Variants in DPP10 observed in about 807,000 individuals in gnomAD.
The protein encoded by DPP10 is inactive dipeptidyl peptidase 10.
Under a neutral mutation model 120.9 loss-of-function variants are expected in DPP10, and 33 were observed. That is an observed-to-expected ratio of 0.27 (90% confidence interval 0.21 to 0.37). The LOEUF is 0.37. Among genes scored for constraint, DPP10 ranks in the 10% least tolerant of loss-of-function variants. DPP10 has a pLI of 1.00. For synonymous variants in DPP10, 337 were observed against 326.1 expected, an observed-to-expected ratio of 1.03 and a Z score of -0.36; for missense variants, 816 against 942.8, an observed-to-expected ratio of 0.87 and a Z score of 1.76.
intron 5 of DPP10, among the ~76,000 whole-genome samples, chr2:115,663,546 C>T (rs2089187636): frequency 6.6e-6 from 1 of 152,144 alleles, no homozygotes; most frequent in African/African-American, 2.4e-5. Context: ...TTAGCAAAGG[C>T]TCAGTGGCTT....
intron 1 of DPP10, among the ~76,000 whole-genome samples, chr2:115,112,805 A>ATT (rs1412735594): frequency 3.9e-5 from 6 of 152,202 alleles, no homozygotes; most frequent in Non-Finnish European, 8.8e-5. Flanking sequence ...ATAGTTAATA[A>ATT]TTCTCTTTTA....
intron 1 of DPP10, among the ~76,000 whole-genome samples, chr2:114,721,266 C>T (rs1457738131): frequency 6.6e-6 from 1 of 152,178 alleles, no homozygotes; most frequent in South Asian, 2.1e-4. Flanking sequence ...TGAGAGGGTG[C>T]TTTGAAACAC....
At chr2:114,776,138 G>C (rs936226721) in intron 1 of DPP10, among the ~76,000 whole-genome samples, 2 of 152,152 alleles carry the variant, frequency 1.3e-5, no homozygotes, top group Non-Finnish European at 2.9e-5. Context: ...TAAAAATAAA[G>C]AGACAAAGTG....
At chr2:115,509,666 A>T (rs1463509999) in intron 4 of DPP10, among the ~76,000 whole-genome samples, 1 of 152,164 alleles carries the variant, frequency 6.6e-6, no homozygotes, top group Non-Finnish European at 1.5e-5. Flanking sequence ...ACTCTGTCTC[A>T]AAAACAAAAT....
In DPP10 at chr2:114,980,530, C is replaced by T. The variant is rs533360209; in HGVS notation, c.61-328709C>T. On this transcript the variant is annotated intron_variant, in intron 1 of 25. Transcript: ENST00000410059. ...TTTATAAACAAATTTAAAGGGCAAGCGATACATTAGGAAAAATTATCTGTT... is the reference window on the plus strand; with the variant it reads ...TTTATAAACAAATTTAAAGGGCAAGTGATACATTAGGAAAAATTATCTGTT... Among the ~76,000 whole-genome samples the T allele has an allele frequency of 1.2e-4, 17 of 145,606 alleles. No individual in the cohort carries two copies. The East Asian group carries it at 1.8e-3, about 15-fold the overall frequency.
intron 1 of DPP10, among the ~76,000 whole-genome samples, chr2:114,825,425 T>A (rs1686440432): frequency 6.6e-6 from 1 of 152,180 alleles, no homozygotes; most frequent in African/African-American, 2.4e-5. Flanking sequence ...GCTGAGTCAC[T>A]GGGCAACTGG....
chr2:115,249,193 A>G (rs565363036), intron 1 of DPP10, among the ~76,000 whole-genome samples: 2 of 152,246 alleles, frequency 1.3e-5, no homozygotes, highest in South Asian at 2.1e-4. Flanking sequence ...CACAGTGTCT[A>G]TTCTATTTAA....
intron 3 of DPP10, among the ~76,000 whole-genome samples, chr2:115,465,574 G>A (rs2594828): frequency 0.97 from 147,495 of 152,248 alleles, 71,620 homozygotes; most frequent in East Asian, 1. Flanking sequence ...TGTAATCCCA[G>A]TACTTTGGGA....
chr2:115,751,638 A>G (rs1400000137), intron 10 of DPP10, among the ~76,000 whole-genome samples: 2 of 152,152 alleles, frequency 1.3e-5, no homozygotes, highest in African/African-American at 4.8e-5. Context: ...TCTAGAGGAA[A>G]CAGTAGCTAC....
At chr2:115,299,593 C>A (rs991839823) in intron 1 of DPP10, among the ~76,000 whole-genome samples, 5 of 151,812 alleles carry the variant, frequency 3.3e-5, no homozygotes, top group African/African-American at 1.2e-4. Context: ...CTAATTCTGT[C>A]TATAAATTAT....
chr2:114,866,970 G>A (rs971072899), intron 1 of DPP10, among the ~76,000 whole-genome samples: 1 of 152,144 alleles, frequency 6.6e-6, no homozygotes, highest in African/African-American at 2.4e-5. Flanking sequence ...GGTTAGGGGA[G>A]GTTGTCATTG....
chr2:115,662,434 ATT>A (rs58448463), intron 5 of DPP10, among the ~76,000 whole-genome samples: 260 of 146,470 alleles, frequency 1.8e-3, no homozygotes, highest in African/African-American at 5.9e-3. Flanking sequence ...TTTGTTTTTT[ATT>A]TTTTTTTTTT....
At chr2:114,494,121 A>AAAC (rs1553450295) in intron 1 of DPP10, among the ~76,000 whole-genome samples, 19 of 147,544 alleles carry the variant, frequency 1.3e-4, no homozygotes, top group African/African-American at 4.4e-4. Flanking sequence ...AAAAAAAAAA[A>AAAC]CCCAGCAAAT....
At chr2:114,999,298 T>C (rs1278228379) in intron 1 of DPP10, among the ~76,000 whole-genome samples, 1 of 152,144 alleles carries the variant, frequency 6.6e-6, no homozygotes, top group Non-Finnish European at 1.5e-5. Flanking sequence ...GTTTCATCAA[T>C]ACAGCCCCTG....
At chr2:114,902,257 G>A (rs1394661317) in intron 1 of DPP10, among the ~76,000 whole-genome samples, 1 of 152,094 alleles carries the variant, frequency 6.6e-6, no homozygotes, top group Non-Finnish European at 1.5e-5. Flanking sequence ...ATTTATTTAA[G>A]TAATGTGATC....
In DPP10 at chr2:115,309,487, A is replaced by G. The variant is rs1422197216; in HGVS notation, c.175+134A>G. 1.1e-5 allele frequency: 8 copies of G among 711,154 alleles called. No homozygotes were observed. The Admixed American group carries it at 1.9e-4, about 17-fold the overall frequency. The allele number at this position is 711,154 out of a possible 1,614,324, so 44.1% of individuals were successfully genotyped here. The stretch of plus-strand genomic sequence containing the variant: ...ATGGGTTGGAATTTGGAAAAAAAGC[A>G]TAATCAGACATTTTGCAAATGGCAC... On this transcript the variant is annotated intron_variant, in intron 2 of 25. Coordinates refer to ENST00000410059, the MANE Select transcript of DPP10 (RefSeq NM_020868.6).
chr2:114,858,723 A>G (rs181291926), intron 1 of DPP10, among the ~76,000 whole-genome samples: 1 of 152,278 alleles, frequency 6.6e-6, no homozygotes, highest in Admixed American at 6.5e-5. Context: ...ATAGAATAAT[A>G]TTAGTATTAC....
At chr2:115,799,268 T>C (rs2149957497) in intron 19 of DPP10, among the ~76,000 whole-genome samples, 1 of 152,106 alleles carries the variant, frequency 6.6e-6, no homozygotes, top group Non-Finnish European at 1.5e-5. Flanking sequence ...AAATCTATGT[T>C]GCACAAAACA....
At chr2:115,045,657 C>T (rs996232212) in intron 1 of DPP10, among the ~76,000 whole-genome samples, 6 of 152,014 alleles carry the variant, frequency 3.9e-5, no homozygotes, top group South Asian at 2.1e-4. Context: ...CAGGGGACGG[C>T]GGAGGGATGG....
Sources: gnomAD v4.1 joint callset for allele counts (sites outside exome capture counted in the v4.1 genomes callset) on GRCh38, gnomAD v4.1.1 for gene constraint, MANE v1.5 for transcripts, NCBI Gene and HGNC (gene_info 2026-07-23, HGNC 2026-07-21) for gene names.